FRMD5: variants seen among roughly 807,000 people sequenced by gnomAD.
FRMD5 encodes the protein FERM domain-containing protein 5.
FRMD5 carries 20 observed loss-of-function variants against 69.0 expected under a neutral mutation model. The observed-to-expected ratio is 0.29, with a 90% CI of 0.20 to 0.42. The LOEUF (loss-of-function observed/expected upper bound fraction) is 0.42. Ranked by LOEUF, FRMD5 falls within the 10% of genes least tolerant of loss-of-function variation. The pLI, the probability that FRMD5 is intolerant of heterozygous loss-of-function variation, is 1.00. For synonymous variants in FRMD5, 271 were observed against 260.1 expected (o/e 1.04, Z -0.40); for missense variants, 595 against 708.6 (o/e 0.84, Z 1.82).
chr15:44,029,904 A>C (rs939476072), intron 1 of FRMD5, among the ~76,000 whole-genome samples: 1 of 152,262 alleles, frequency 6.6e-6, no homozygotes, highest in Non-Finnish European at 1.5e-5. Context: ...AAACACTGAA[A>C]GAACTTATGA....
intron 2 of FRMD5, 57 bp from the exon 3 acceptor site, chr15:43,919,866 CT>C: frequency 3.3e-6 from 5 of 1,494,198 alleles, no homozygotes; most frequent in Non-Finnish European, 4.7e-6. Context: ...TAAAATATAA[CT>C]TGTTTTCTCC....
At chr15:43,882,659 C>T (rs778314858) in intron 13 of FRMD5, among the ~76,000 whole-genome samples, 4 of 151,864 alleles carry the variant, frequency 2.6e-5, no homozygotes, top group Admixed American at 6.6e-5. Flanking sequence ...GCCCAGCCAA[C>T]GGGACAGATT....
At chr15:44,115,271 T>C (rs1595480325) in intron 1 of FRMD5, among the ~76,000 whole-genome samples, 2 of 152,216 alleles carry the variant, frequency 1.3e-5, no homozygotes, top group Admixed American at 1.3e-4. Flanking sequence ...ATGTAATACA[T>C]GTAATAAGCC....
chr15:44,029,364 G>A (rs907035387), intron 1 of FRMD5, among the ~76,000 whole-genome samples: 5 of 151,460 alleles, frequency 3.3e-5, no homozygotes, highest in East Asian at 3.8e-4. Context: ...GCAGGATTTC[G>A]ACCTTGCAGT....
chr15:43,927,193 AT>A (rs1232395227), intron 1 of FRMD5, among the ~76,000 whole-genome samples: 1 of 152,114 alleles, frequency 6.6e-6, no homozygotes, highest in Non-Finnish European at 1.5e-5. Flanking sequence ...TCTTCCTTGA[AT>A]TTCTTGAAAG....
At chr15:43,979,579 G>A (rs1253534099) in intron 1 of FRMD5, among the ~76,000 whole-genome samples, 2 of 152,144 alleles carry the variant, frequency 1.3e-5, no homozygotes, top group African/African-American at 2.4e-5. Context: ...CATGGAGGAA[G>A]GCCATTTGGA....
chr15:43,977,400 G>A (rs2090480467), intron 1 of FRMD5, among the ~76,000 whole-genome samples: 1 of 152,062 alleles, frequency 6.6e-6, no homozygotes, highest in African/African-American at 2.4e-5. Context: ...TTTAGGAATA[G>A]GGATGTAGGT....
chr15:43,988,663 G>C (rs1270263231), intron 1 of FRMD5, among the ~76,000 whole-genome samples: 2 of 152,082 alleles, frequency 1.3e-5, no homozygotes, highest in East Asian at 3.9e-4. Flanking sequence ...TTAAGGCAAA[G>C]ATTAAAAAAA....
chr15:44,107,547 T>A (rs2076737536), intron 1 of FRMD5, among the ~76,000 whole-genome samples: 1 of 152,194 alleles, frequency 6.6e-6, no homozygotes, highest in African/African-American at 2.4e-5. Context: ...TCTCTTGATT[T>A]GTAGTTATCA....
intron 5 of FRMD5, 73 bp downstream of exon 5, chr15:43,909,809 A>T: frequency 1.2e-6 from 1 of 856,744 alleles, no homozygotes; most frequent in South Asian, 1.5e-5. Flanking sequence ...AGAAGGAGTC[A>T]TCAGTGCTAA....
chr15:44,135,138 A>G (rs8029735), intron 1 of FRMD5, among the ~76,000 whole-genome samples: 5,912 of 152,308 alleles, frequency 0.039, 344 homozygotes, highest in African/African-American at 0.12. Context: ...TATACAAACT[A>G]TACCTCAGAG....
chr15:43,963,814 C>A (rs1406246147), intron 1 of FRMD5, among the ~76,000 whole-genome samples: 40 of 152,048 alleles, frequency 2.6e-4, no homozygotes, highest in Non-Finnish European at 4.1e-4. Context: ...GGACAAAAAA[C>A]CAAACACCAG....
chr15:44,132,397 G>T (rs1477126024), intron 1 of FRMD5, among the ~76,000 whole-genome samples: 2 of 152,190 alleles, frequency 1.3e-5, no homozygotes, highest in Non-Finnish European at 2.9e-5. Context: ...ACTGGGGACA[G>T]ATAGTGATGA....
chr15:43,900,905 C>T (rs1214546625), intron 7 of FRMD5, among the ~76,000 whole-genome samples: 1 of 152,198 alleles, frequency 6.6e-6, no homozygotes, highest in Non-Finnish European at 1.5e-5. Context: ...GTGTGAGCCA[C>T]TGCGCCCGGC....
intron 1 of FRMD5, among the ~76,000 whole-genome samples, chr15:44,036,228 A>T (rs1472934731): frequency 6.6e-6 from 1 of 152,034 alleles, no homozygotes; most frequent in Non-Finnish European, 1.5e-5. Flanking sequence ...ATAAGGGCAC[A>T]TTTCTCCTGA....
At chr15:44,178,533 C>G (rs545500660) in intron 1 of FRMD5, among the ~76,000 whole-genome samples, 2 of 152,034 alleles carry the variant, frequency 1.3e-5, no homozygotes, top group Non-Finnish European at 2.9e-5. Flanking sequence ...ACAATATAGT[C>G]GAAAACATAT....
At chr15:43,971,459 G>A (rs969880306) in intron 1 of FRMD5, among the ~76,000 whole-genome samples, 1 of 151,390 alleles carries the variant, frequency 6.6e-6, no homozygotes, top group Non-Finnish European at 1.5e-5. Context: ...GGCCAAGAGG[G>A]CGGATCACGA....
At chr15:43,982,731 T>A (rs1367431431) in intron 1 of FRMD5, among the ~76,000 whole-genome samples, 3 of 152,212 alleles carry the variant, frequency 2.0e-5, no homozygotes, top group Admixed American at 1.3e-4. Flanking sequence ...ACTGTATTTT[T>A]AAAGTTTTTT....
intron 1 of FRMD5, among the ~76,000 whole-genome samples, chr15:43,929,170 T>A (rs1007687723): frequency 1.3e-5 from 2 of 152,204 alleles, no homozygotes; most frequent in Non-Finnish European, 2.9e-5. Flanking sequence ...CTGGAACGCC[T>A]GGTTCTGGTT....
Sources: gnomAD v4.1 joint callset for allele counts (sites outside exome capture counted in the v4.1 genomes callset) on GRCh38, gnomAD v4.1.1 for gene constraint, MANE v1.5 for transcripts, NCBI Gene and HGNC (gene_info 2026-07-23, HGNC 2026-07-21) for gene names.